Variants in TCERG1L observed in about 807,000 individuals in gnomAD.
TCERG1L encodes the protein transcription elongation regulator 1-like protein.
In TCERG1L, 37 loss-of-function variants were observed where a neutral mutation model predicts 56.3. That is an observed-to-expected ratio of 0.66 (90% CI 0.51 to 0.87). The LOEUF (loss-of-function observed/expected upper bound fraction) is 0.87. TCERG1L is among the 40% of genes least tolerant of loss of function. The pLI, the probability that TCERG1L is intolerant of heterozygous loss-of-function variation, is 0.00. For missense variants in TCERG1L, 799 were observed against 774.2 expected (o/e 1.03, Z -0.38); for synonymous variants, 324 against 326.3 (o/e 0.99, Z 0.08).
chr10:131,166,772 C>T, intron 5 of TCERG1L, 25 bp downstream of exon 5: 1 of 1,608,274 alleles, frequency 6.2e-7, no homozygotes, highest in Admixed American at 1.7e-5. Flanking sequence ...GTGTCTTTAA[C>T]ACACACACGA....
chr10:131,158,924 C>T (rs1249759088), intron 6 of TCERG1L, among the ~76,000 whole-genome samples: 6 of 152,344 alleles, frequency 3.9e-5, no homozygotes, highest in Non-Finnish European at 5.9e-5. Context: ...CTGCTCACCC[C>T]GCCACCAGTT....
chr10:131,216,055 C>T (rs534827214), intron 4 of TCERG1L, among the ~76,000 whole-genome samples: 7 of 152,252 alleles, frequency 4.6e-5, no homozygotes, highest in African/African-American at 1.7e-4. Context: ...GAGCAAATGG[C>T]CTTGTCCCTG....
chr10:131,149,906 C>T (rs1845844859), intron 6 of TCERG1L, among the ~76,000 whole-genome samples: 1 of 152,186 alleles, frequency 6.6e-6, no homozygotes, highest in African/African-American at 2.4e-5. Flanking sequence ...TCCGGCCCCT[C>T]AAGGGCTTCA....
intron 9 of TCERG1L, among the ~76,000 whole-genome samples, chr10:131,110,029 A>G (rs1278402360): frequency 6.6e-6 from 1 of 152,142 alleles, no homozygotes; most frequent in Non-Finnish European, 1.5e-5. Context: ...CGCGTGTGGC[A>G]CCGTCCCAGC....
chr10:131,201,692 T>TG (rs1193507719), intron 4 of TCERG1L, among the ~76,000 whole-genome samples: 1 of 152,230 alleles, frequency 6.6e-6, no homozygotes, highest in Non-Finnish European at 1.5e-5. Flanking sequence ...GTTGGGCATT[T>TG]GGACTTCTTT....
At chr10:131,148,577 TACA>T (rs1360189604) in intron 6 of TCERG1L, among the ~76,000 whole-genome samples, 2 of 92,572 alleles carry the variant, frequency 2.2e-5, no homozygotes, top group African/African-American at 3.4e-5. Flanking sequence ...TACACACAAA[TACA>T]GACACACAGA....
At chr10:131,211,849 A>G (rs1845624412) in intron 4 of TCERG1L, among the ~76,000 whole-genome samples, 1 of 152,220 alleles carries the variant, frequency 6.6e-6, no homozygotes, top group African/African-American at 2.4e-5. Flanking sequence ...TCTGATGGAA[A>G]AAGATGATGT....
Position 131,094,186 on chromosome 10 carries a change from A to T in TCERG1L, c.1605-868T>A, listed in dbSNP as rs187827569. On this transcript the variant is annotated intron_variant, in intron 11 of 11. Transcript: ENST00000368642. ...TTCTCTTAGCCTTGAACTTGAAGCCAGGGACAGGGACAGAGGTAGAGGGAC... is the reference window on the plus strand; with the variant it reads ...TTCTCTTAGCCTTGAACTTGAAGCCTGGGACAGGGACAGAGGTAGAGGGAC... Among the ~76,000 whole-genome samples, 81 of 152,344 alleles carry T rather than the reference A, an allele frequency of 5.3e-4. 1 individual carries two copies. Among genetic ancestry groups the T allele is most frequent in the African/African-American group, 1.9e-3 (80 of 41,586 alleles).
At chr10:131,256,343 C>CA (rs753667358) in intron 4 of TCERG1L, among the ~76,000 whole-genome samples, 1 of 147,890 alleles carries the variant, frequency 6.8e-6, no homozygotes, top group Non-Finnish European at 1.5e-5. Flanking sequence ...ACTGATAGAA[C>CA]AAAAAAATAG....
At chr10:131,206,511 CCCT>C (rs1323381506) in intron 4 of TCERG1L, among the ~76,000 whole-genome samples, 1 of 152,228 alleles carries the variant, frequency 6.6e-6, no homozygotes, top group Non-Finnish European at 1.5e-5. Flanking sequence ...GAACAAGCGC[CCCT>C]CGTGGGCGGC....
chr10:131,289,372 G>T (rs1401903792), intron 3 of TCERG1L, among the ~76,000 whole-genome samples: 1 of 152,136 alleles, frequency 6.6e-6, no homozygotes, highest in African/African-American at 2.4e-5. Context: ...AAAAATAAAA[G>T]ATACGATATA....
At chr10:131,278,431 G>A (rs777002848) in intron 3 of TCERG1L, among the ~76,000 whole-genome samples, 4 of 149,436 alleles carry the variant, frequency 2.7e-5, no homozygotes, top group Admixed American at 6.7e-5. Context: ...TCTGCCTCCC[G>A]GGTTCAAGCA....
rs565061369 is a variant in TCERG1L, at chr10:131,207,077, C to T, written c.857-40192G>A. 1.3e-4 allele frequency among the ~76,000 whole-genome samples: 20 copies of T among 152,332 alleles called. 1 individual carries two copies. The highest frequency in any genetic ancestry group is 2.2e-4 in the African/African-American group (9 of 41,576). On this transcript the variant is annotated intron_variant, in intron 4 of 11. Coordinates refer to ENST00000368642, the MANE Select transcript of TCERG1L (RefSeq NM_174937.4). ...GTGCTTTGTCCTTTTCAGCGAGCGT[C>T]GGAGTGGGCGCAACTCTGCTGGCCA...
intron 3 of TCERG1L, among the ~76,000 whole-genome samples, chr10:131,284,125 C>CAAAA (rs10534180): frequency 1.7e-5 from 2 of 116,400 alleles, no homozygotes; most frequent in Non-Finnish European, 3.6e-5. Context: ...GACCACATCT[C>CAAAA]AAAAAAAAAA....
intron 4 of TCERG1L, among the ~76,000 whole-genome samples, chr10:131,250,792 CATA>C (rs1354407221): frequency 6.6e-6 from 1 of 152,180 alleles, no homozygotes; most frequent in African/African-American, 2.4e-5. Context: ...GCCTTCTGGT[CATA>C]AACACTGACT....
chr10:131,194,942 G>T (rs1845342120), intron 4 of TCERG1L, among the ~76,000 whole-genome samples: 1 of 152,184 alleles, frequency 6.6e-6, no homozygotes, highest in Admixed American at 6.5e-5. Context: ...CTGCTGGTAA[G>T]ATTTGGCTGC....
chr10:131,198,147 G>A (rs1225090750), intron 4 of TCERG1L, among the ~76,000 whole-genome samples: 1 of 152,210 alleles, frequency 6.6e-6, no homozygotes, highest in Non-Finnish European at 1.5e-5. Flanking sequence ...CAATGGTCTG[G>A]GCATCCTGGT....
chr10:131,129,779 T>C (rs1240582216), intron 8 of TCERG1L, among the ~76,000 whole-genome samples: 2 of 152,154 alleles, frequency 1.3e-5, no homozygotes, highest in Non-Finnish European at 2.9e-5. Flanking sequence ...GATTGGGTAA[T>C]TCATCAAGAA....
intron 4 of TCERG1L, among the ~76,000 whole-genome samples, chr10:131,199,051 G>C (rs983403365): frequency 6.6e-6 from 1 of 152,154 alleles, no homozygotes; most frequent in African/African-American, 2.4e-5. Context: ...AGATCTCATG[G>C]GCACCCTGGG....
Sources: allele counts gnomAD v4.1 joint callset (sites outside exome capture counted in the v4.1 genomes callset), GRCh38; gene constraint gnomAD v4.1.1; transcripts MANE v1.5; gene names NCBI Gene and HGNC (gene_info 2026-07-23, HGNC 2026-07-21).